The following UGT2B10 variants were observed in gnomAD, a reference collection of about 807,000 sequenced individuals.
The protein encoded by UGT2B10 is UDP glucuronosyltransferase family 2 member B10.
Under a neutral mutation model 43.7 loss-of-function variants are expected in UGT2B10, and 51 were observed. That is an observed-to-expected ratio of 1.17 (90% CI 0.93 to 1.47). The LOEUF is 1.47. Among genes scored for constraint, UGT2B10 ranks in the 40% most tolerant of loss-of-function variants. UGT2B10 has a pLI of 0.00. For synonymous variants in UGT2B10, 225 were observed against 209.0 expected (o/e 1.08, Z -0.66); for missense variants, 696 against 617.7 (o/e 1.13, Z -1.34).
At chr4:68,825,187 G>C (rs1420390348) in intron 3 of UGT2B10, among the ~76,000 whole-genome samples, 1 of 151,816 alleles carries the variant, frequency 6.6e-6, no homozygotes, top group Admixed American at 6.6e-5. Flanking sequence ...TAAATTTGGA[G>C]ATGAAAACTA....
intron 3 of UGT2B10, among the ~76,000 whole-genome samples, chr4:68,823,949 C>T (rs1340561384): frequency 6.6e-6 from 1 of 152,122 alleles, no homozygotes; most frequent in Non-Finnish European, 1.5e-5. Flanking sequence ...AAATTCTGCC[C>T]CTGTCATTTG....
At chr4:68,820,344 A>G (rs183645965) in intron 2 of UGT2B10, among the ~76,000 whole-genome samples, 1 of 152,222 alleles carries the variant, frequency 6.6e-6, no homozygotes, top group Non-Finnish European at 1.5e-5. Context: ...TAATTTCTAT[A>G]TATTTTAAGA....
rs566634997 is a variant in UGT2B10, at chr4:68,820,594, G to A, written c.868-1677G>A. The stretch of plus-strand genomic sequence containing the variant: ...TATCAATGAAATGTTCAATTATGCT[G>A]TCAGCCATAATACACATACAGTGAA... On this transcript the variant is annotated intron_variant, in intron 2 of 5. Coordinates refer to ENST00000265403, the MANE Select transcript of UGT2B10 (RefSeq NM_001075.6). 6.6e-5 allele frequency among the ~76,000 whole-genome samples: 10 copies of A among 152,044 alleles called. 1 individual carries two copies. The East Asian group carries it at 1.9e-3, about 29-fold the overall frequency.
intron 2 of UGT2B10, among the ~76,000 whole-genome samples, chr4:68,819,920 T>G (rs1260087182): frequency 6.6e-6 from 1 of 152,082 alleles, no homozygotes; most frequent in East Asian, 1.9e-4. Flanking sequence ...TAAAAGATCA[T>G]TTTTGCTTGC....
chr4:68,826,665 AT>A (rs1737797994), intron 4 of UGT2B10, among the ~76,000 whole-genome samples, 168 bp downstream of exon 4: 1 of 152,146 alleles, frequency 6.6e-6, no homozygotes, highest in African/African-American at 2.4e-5. Context: ...AATTGTTGGC[AT>A]TTTGTGATAC....
Position 68,830,849 on chromosome 4 carries a change from T to C in UGT2B10, c.1557T>C (p.Ala519=). ...KCCLFCFWKF[A]RKGKKGKRD is the part of the protein sequence containing the mutation. ...GTCTGTTTTGTTTCTGGAAGTTTGC[T>C]AGAAAAGGAAAGAAGGGAAAAAGGG... Residue 519 remains alanine, a synonymous_variant, in exon 6 of 6, where the codon GCT becomes GCC. Transcript: ENST00000265403. The C allele has an allele frequency of 6.2e-7, 1 of 1,612,878 alleles. No homozygotes were observed.
Position 68,822,730 on chromosome 4 carries a change from T to C in UGT2B10, c.999+328T>C, listed in dbSNP as rs1474998305. ...TTCTGATGTTAACAGTCATACCTAC[T>C]GCTGAATTTAACTCAATATATTTCA... On this transcript the variant is annotated intron_variant, in intron 3 of 5. Transcript: ENST00000265403. Among the ~76,000 whole-genome samples the C allele has an allele frequency of 2.0e-5, 3 of 152,166 alleles. No individual in the cohort carries two copies. The East Asian group carries it at 5.8e-4, about 29-fold the overall frequency.
chr4:68,824,442 G>A (rs1323018356), intron 3 of UGT2B10, among the ~76,000 whole-genome samples: 1 of 152,132 alleles, frequency 6.6e-6, no homozygotes, highest in Non-Finnish European at 1.5e-5. Context: ...AGGAAATATA[G>A]GAAGGAGACA....
rs1738103035 is a variant in UGT2B10 at position 68,831,576 on chromosome 4, A to G, written c.*697A>G. ...ATTACATAAAATAAAGTGGAAATGA[A>G]TGATTGACTGAACAGCCCACAAGAA... is the stretch of plus-strand genomic sequence containing the variant. On this transcript the variant is annotated 3_prime_UTR_variant, in exon 6 of 6. Transcript: ENST00000265403. Among the ~76,000 whole-genome samples the G allele has an allele frequency of 6.6e-6, 1 of 152,144 alleles. No homozygotes were observed. The highest frequency in any genetic ancestry group is 1.5e-5 in the Non-Finnish European group (1 of 68,016).
chr4:68,823,960 A>G lies in UGT2B10; in HGVS notation c.999+1558A>G, dbSNP rs1277917014. On this transcript the variant is annotated intron_variant, in intron 3 of 5. Transcript: ENST00000265403. ...CACCAAATTCTGCCCCTGTCATTTGACCCTTTTGTTTAAGAATTCCTGAGG... is the reference window on the plus strand; with the variant it reads ...CACCAAATTCTGCCCCTGTCATTTGGCCCTTTTGTTTAAGAATTCCTGAGG... 1.1e-4 allele frequency among the ~76,000 whole-genome samples: 17 copies of G among 152,146 alleles called. 1 individual carries two copies. Among genetic ancestry groups the G allele is most frequent in the Admixed American group, 1.1e-3 (17 of 15,256 alleles).
chr4:68,826,770 C>T (rs4095563), intron 4 of UGT2B10, among the ~76,000 whole-genome samples: 5 of 152,030 alleles, frequency 3.3e-5, no homozygotes, highest in South Asian at 4.2e-4. Context: ...CTGGGCTGTC[C>T]CTCTGTCTCC....
At position 68,830,886 on chromosome 4, in the gene UGT2B10, C is replaced by A; in HGVS notation, c.*7C>A. 6.2e-7 allele frequency: 1 copy of A among 1,610,830 alleles called. No homozygotes were observed. The highest frequency in any genetic ancestry group is 2.2e-5 in the East Asian group (1 of 44,692). On this transcript the variant is annotated 3_prime_UTR_variant, in exon 6 of 6. Coordinates refer to ENST00000265403, the MANE Select transcript of UGT2B10 (RefSeq NM_001075.6). ...GAAGGGAAAAAGGGATTAGTTATAT[C>A]TGAGATTTGAAGCTGGAAAACCTGA...
Position 68,830,755 on chromosome 4 carries a change from A to C in UGT2B10, c.1463A>C (p.His488Pro). Reference protein sequence around the residue: ...AAHNLTWFQYHSLDVIGFLLA... With the variant: ...AAHNLTWFQYPSLDVIGFLLA... ...CACAACCTCACCTGGTTCCAGTACC[A>C]CTCTTTGGATGTGATTGGGTTCCTG... The change falls in exon 6 of 6, where the codon CAC becomes CCC. Residue 488 changes from histidine (H) to proline (P), a missense_variant. Transcript: ENST00000265403. The C allele has an allele frequency of 6.2e-7, 1 of 1,613,024 alleles. No individual in the cohort carries two copies. The highest frequency in any genetic ancestry group is 8.5e-7 in the Non-Finnish European group (1 of 1,179,462).
chr4:68,827,584 A>G (rs759737998), intron 5 of UGT2B10, 36 bp downstream of exon 5: 74 of 1,610,198 alleles, frequency 4.6e-5, no homozygotes, highest in Middle Eastern at 1.7e-4. Context: ...GATGGTATTA[A>G]TAGATAGCTT....
chr4:68,818,518 A>G (rs1156711234), intron 2 of UGT2B10, among the ~76,000 whole-genome samples: 4 of 151,712 alleles, frequency 2.6e-5, no homozygotes, highest in Admixed American at 6.6e-5. Flanking sequence ...ATTTTCAGAG[A>G]AAAAAAATAG....
intron 3 of UGT2B10, among the ~76,000 whole-genome samples, chr4:68,824,192 G>T (rs1737653699): frequency 6.6e-6 from 1 of 152,236 alleles, no homozygotes; most frequent in South Asian, 2.1e-4. Context: ...GAGAAAGAGT[G>T]GCCTAGGCCA....
intron 1 of UGT2B10, among the ~76,000 whole-genome samples, chr4:68,817,131 C>G (rs1333924986): frequency 6.6e-6 from 1 of 151,866 alleles, no homozygotes; most frequent in East Asian, 1.9e-4. Context: ...TATATAACTG[C>G]AGAAATTTTT....
At chr4:68,828,780 T>C in intron 5 of UGT2B10, among the ~76,000 whole-genome samples, 1 of 152,174 alleles carries the variant, frequency 6.6e-6, no homozygotes. Context: ...GTTGAATAGT[T>C]AATAGTCATT....
chr4:68,816,843 G>A (rs1737239274), intron 1 of UGT2B10, 106 bp downstream of exon 1: 1 of 927,914 alleles, frequency 1.1e-6, no homozygotes, highest in Non-Finnish European at 1.6e-6. Flanking sequence ...TTTGGTAAAT[G>A]AATTTATGAA....
Sources: gnomAD v4.1 joint callset for allele counts (sites outside exome capture counted in the v4.1 genomes callset) on GRCh38, gnomAD v4.1.1 for gene constraint, MANE v1.5 for transcripts, NCBI Gene and HGNC (gene_info 2026-07-23, HGNC 2026-07-21) for gene names.